RNF207: variants seen among roughly 807,000 people sequenced by gnomAD.
RNF207 encodes OTTHUMG00000001089.
RNF207 carries 72 observed loss-of-function variants against 79.0 expected under a neutral mutation model. That is an observed-to-expected ratio of 0.91 (90% CI 0.75 to 1.11). The LOEUF (loss-of-function observed/expected upper bound fraction) is 1.11, where lower values mean the gene tolerates loss of function less well. Ranked by LOEUF, RNF207 falls within the 50% of genes least tolerant of loss-of-function variation. The pLI is 0.00. For synonymous variants in RNF207, 348 were observed against 366.2 expected (o/e 0.95, Z 0.57); for missense variants, 936 against 855.8 (o/e 1.09, Z -1.17).
At position 6,220,877 on chromosome 1, in the gene RNF207, C is replaced by T. The variant is rs1668525159; in HGVS notation, c.*1470C>T. On this transcript the variant is annotated 3_prime_UTR_variant, in exon 18 of 18. Coordinates refer to ENST00000377939, the MANE Select transcript of RNF207 (RefSeq NM_207396.3). Reference sequence around the variant, plus strand: ...TAGTCACATTTAAGCAAATATTCAGCTTGATTCAGTGATTAACAGCAAATG... The same window carrying T: ...TAGTCACATTTAAGCAAATATTCAGTTTGATTCAGTGATTAACAGCAAATG... 1 of 152,204 alleles carries T rather than the reference C, an allele frequency of 6.6e-6. No individual in the cohort carries two copies. Among genetic ancestry groups the T allele is most frequent in the African/African-American group, 2.4e-5 (1 of 41,442 alleles). 9.4% of individuals were successfully genotyped at this position (152,204 alleles called of 1,614,324 possible).
In RNF207 at chr1:6,212,373, C is replaced by T. The variant is rs747470758; in HGVS notation, c.1439C>T (p.Ser480Leu). ...KSLQLDVQIASEHASLEGMRV... is the reference protein window; with the variant it reads ...KSLQLDVQIALEHASLEGMRV... The stretch of plus-strand genomic sequence containing the variant: ...CTGCAACTGGACGTGCAGATCGCCT[C>T]GGAGCACGCCTCCTTAGAGGGCATG... Residue 480 changes from serine to leucine, a missense_variant, in exon 14 of 18, where the codon TCG becomes TTG. Physicochemically the swap from Ser to Leu is moderately radical, Grantham distance 145. Transcript: ENST00000377939. 1.5e-5 allele frequency: 25 copies of T among 1,613,472 alleles called. No individual in the cohort carries two copies. The Admixed American group carries it at 2.5e-4, about 16-fold the overall frequency.
chr1:6,207,324 G>A lies in RNF207; in HGVS notation c.192-55G>A, dbSNP rs1050686988. 5 of 1,493,644 alleles carry A rather than the reference G, an allele frequency of 3.3e-6. No individual in the cohort carries two copies. The highest frequency in any genetic ancestry group is 2.8e-5 in the South Asian group (2 of 72,436). The allele number at this position is 1,493,644 out of a possible 1,614,324, so 92.5% of individuals were successfully genotyped here. Reference sequence around the variant, plus strand: ...CCAGCCTGGAATGTGAGGGGTGGGGGTGGGGAGCCCTGGGGAAGGGGTATC... The same window carrying A: ...CCAGCCTGGAATGTGAGGGGTGGGGATGGGGAGCCCTGGGGAAGGGGTATC... On this transcript the variant is annotated intron_variant, in intron 2 of 17. Transcript: ENST00000377939. This position sits in a 1 kb window ranked among gnomAD's most constrained non-coding sequence, Gnocchi z 4.5.
chr1:6,217,971 A>T lies in RNF207; in HGVS notation c.1653-318A>T, dbSNP rs1668416465. ...TCGGGCCCCAGCTTGGATGAGTGTC[A>T]GCAGAGGCCCTCCCCACTCCACCTG... On this transcript the variant is annotated intron_variant, in intron 16 of 17. Transcript: ENST00000377939. The surrounding 1 kb of genome is among the most constrained non-coding windows in gnomAD (Gnocchi z 4.2). Among the ~76,000 whole-genome samples, 1 of 152,180 alleles carries T rather than the reference A, an allele frequency of 6.6e-6. No homozygotes were observed. Among genetic ancestry groups the T allele is most frequent in the African/African-American group, 2.4e-5 (1 of 41,440 alleles).
At chr1:6,213,259 G>A (rs1668246558) in intron 16 of RNF207, 76 bp downstream of exon 16, 13 of 943,738 alleles carry the variant, frequency 1.4e-5, no homozygotes, top group Middle Eastern at 2.2e-4. Flanking sequence ...GGTGGCTCAC[G>A]CCTGTAATCC....
At position 6,211,855 on chromosome 1, in the gene RNF207, C is replaced by G; in HGVS notation, c.1110-12C>G. ...CCCCACCCCCCTGCATCCACACTGG[C>G]TCTCTCCCCAGGCTGGCAGGGGGCT... On this transcript the variant is annotated splice_polypyrimidine_tract_variant and intron_variant, in intron 12 of 17. Transcript: ENST00000377939. This position sits in a 1 kb window ranked among gnomAD's most constrained non-coding sequence, Gnocchi z 4.2. The G allele has an allele frequency of 6.5e-7, 1 of 1,545,156 alleles. No individual in the cohort carries two copies. The highest frequency in any genetic ancestry group is 2.0e-5 in the Admixed American group (1 of 50,862).
chr1:6,218,745 G>A (rs1326719638), intron 17 of RNF207, among the ~76,000 whole-genome samples: 2 of 152,226 alleles, frequency 1.3e-5, no homozygotes, highest in Admixed American at 6.5e-5. Context: ...ACCTGCCAGA[G>A]GAAGACGGCT....
intron 17 of RNF207, 47 bp from the exon 18 acceptor site, chr1:6,219,189 G>A (rs747845557): frequency 6.5e-7 from 1 of 1,537,842 alleles, no homozygotes; most frequent in South Asian, 1.2e-5. Flanking sequence ...GCAGGGATAT[G>A]GTGAAATGGG....
intron 3 of RNF207, 97 bp from the exon 4 acceptor site, chr1:6,208,784 G>A (rs987896811): frequency 1.5e-6 from 2 of 1,322,216 alleles, no homozygotes; most frequent in African/African-American, 3.0e-5. Context: ...ACCCGGCCAC[G>A]GCTGGGACAA....
chr1:6,207,452 T>A lies in RNF207; in HGVS notation c.265T>A (p.Ser89Thr). The A allele has an allele frequency of 6.3e-7, 1 of 1,580,678 alleles. No homozygotes were observed. Among genetic ancestry groups the A allele is most frequent in the Non-Finnish European group, 8.6e-7 (1 of 1,161,942 alleles). ...DRLLQFLVDS[S>T]GDGVEAVRCA... is the part of the protein sequence containing the mutation. ...GCTGCTGCAGTTCCTGGTGGACAGC[T>A]CAGGGGATGGCGTGGAGGCGGTGCG... Residue 89 changes from serine (S) to threonine (T), a missense_variant, in exon 3 of 18, where the codon TCA (serine) becomes ACA (threonine). Physicochemically the swap from Ser to Thr is moderately conservative, Grantham distance 58 (BLOSUM62 1). Coordinates refer to ENST00000377939, the MANE Select transcript of RNF207 (RefSeq NM_207396.3). This position sits in a 1 kb window ranked among gnomAD's most constrained non-coding sequence, Gnocchi z 4.5.
intron 16 of RNF207, among the ~76,000 whole-genome samples, chr1:6,216,758 C>T (rs1248855447): frequency 3.4e-5 from 5 of 146,216 alleles, no homozygotes; most frequent in East Asian, 2.1e-4. Flanking sequence ...TTAGTAGAGA[C>T]GGGGTTTCAC....
In RNF207 at chr1:6,213,196, G is replaced by C. The variant is rs747892370; in HGVS notation, c.1652+13G>C. The C allele has an allele frequency of 3.2e-6, 5 of 1,565,202 alleles. No individual in the cohort carries two copies. The highest frequency in any genetic ancestry group is 4.4e-6 in the Non-Finnish European group (5 of 1,137,584). On this transcript the variant is annotated intron_variant, in intron 16 of 17. Transcript: ENST00000377939. Reference sequence around the variant, plus strand: ...GGCTGGAGCCCAGGTGAGGCCAAGGGGGTGTTCCCAGGGCCACTGAGACTC... The same window carrying C: ...GGCTGGAGCCCAGGTGAGGCCAAGGCGGTGTTCCCAGGGCCACTGAGACTC...
At chr1:6,209,824 C>T in intron 7 of RNF207, 100 bp from the exon 8 acceptor site, 1 of 1,276,758 alleles carries the variant, frequency 7.8e-7, no homozygotes. Flanking sequence ...TGGAGAGATA[C>T]CTAGTGTAAC....
In RNF207 at chr1:6,219,490, T is replaced by G. The variant is rs1191833774; in HGVS notation, c.*83T>G. On this transcript the variant is annotated 3_prime_UTR_variant, in exon 18 of 18. Coordinates refer to ENST00000377939, the MANE Select transcript of RNF207 (RefSeq NM_207396.3). ...GGACAGAAGGTTGTTCCCATGATGG[T>G]TTTTTTTATTTTTTATTTTTGAGAT... 1 of 1,001,450 alleles carries G rather than the reference T, an allele frequency of 1.0e-6. No individual in the cohort carries two copies. Among genetic ancestry groups the G allele is most frequent in the Non-Finnish European group, 1.4e-6 (1 of 703,522 alleles). The allele number at this position is 1,001,450 out of a possible 1,614,324, so 62.0% of individuals were successfully genotyped here.
At position 6,210,420 on chromosome 1, in the gene RNF207, GT is replaced by G; in HGVS notation, c.926del (p.Phe309SerfsTer8). 1 of 1,613,448 alleles carries G rather than the reference GT, an allele frequency of 6.2e-7. No homozygotes were observed. Among genetic ancestry groups the G allele is most frequent in the Non-Finnish European group, 8.5e-7 (1 of 1,179,854 alleles). Reference protein sequence around the residue: ...SFLSLANKAEFLDLGYELMER... With the variant: ...SFLSLANKAEXLDLGYELMER... ...TCCTCAGCTTGGCCAACAAGGCTGA[GT>G]TCCTGGACCTGGGCTATGTGAGTCT... On this transcript the variant is annotated frameshift_variant, in exon 10 of 18. Coordinates refer to ENST00000377939, the MANE Select transcript of RNF207 (RefSeq NM_207396.3). LOFTEE classifies it high-confidence loss of function.
In RNF207 at chr1:6,213,171, G is replaced by A. The variant is rs372508886; in HGVS notation, c.1640G>A (p.Arg547Gln). The change falls in exon 16 of 18, where the codon CGG (arginine) becomes CAG (glutamine). Residue 547 changes from arginine (R) to glutamine (Q), a missense_variant. Transcript: ENST00000377939. Reference protein sequence around the residue: ...YVRSIAKVKERLEPRFQAPVD... With the variant: ...YVRSIAKVKEQLEPRFQAPVD... ...CGCTCCATTGCCAAGGTGAAGGAGC[G>A]GCTGGAGCCCAGGTGAGGCCAAGGG... The A allele has an allele frequency of 1.2e-5, 19 of 1,611,314 alleles. No individual in the cohort carries two copies. The highest frequency in any genetic ancestry group is 1.1e-4 in the East Asian group (5 of 44,808).
chr1:6,212,612 T>A, intron 14 of RNF207, 70 bp from the exon 15 acceptor site: 1 of 1,402,728 alleles, frequency 7.1e-7, no homozygotes, highest in Non-Finnish European at 1.0e-6. Context: ...TCTGAGTAGC[T>A]AGAGATAGCA....
chr1:6,206,442 A>C, intron 1 of RNF207, 94 bp from the exon 2 acceptor site: 1 of 898,924 alleles, frequency 1.1e-6, no homozygotes, highest in Non-Finnish European at 1.6e-6. Flanking sequence ...TCCAGGCGCG[A>C]TAGGGAGGGC....
rs1308921636 is a variant in RNF207, at chr1:6,210,878, G to C, written c.951G>C (p.Met317Ile). 6.2e-7 allele frequency: 1 copy of C among 1,601,144 alleles called. No homozygotes were observed. Among genetic ancestry groups the C allele is most frequent in the Non-Finnish European group, 8.5e-7 (1 of 1,175,092 alleles). ...AEFLDLGYELMERLQGIVTRP... is the reference protein window; with the variant it reads ...AEFLDLGYELIERLQGIVTRP... ...CCTCCTCACTGCCACAGGAGCTGAT[G>C]GAGAGGCTGCAGGGCATCGTCACGC... The change falls in exon 11 of 18, where the codon ATG becomes ATC. Residue 317 changes from methionine to isoleucine, a missense_variant. Physicochemically the swap from Met to Ile is conservative, Grantham distance 10. Coordinates refer to ENST00000377939, the MANE Select transcript of RNF207 (RefSeq NM_207396.3).
chr1:6,216,908 T>C (rs1210986498), intron 16 of RNF207, among the ~76,000 whole-genome samples: 1 of 151,100 alleles, frequency 6.6e-6, no homozygotes. Flanking sequence ...CTTTCCCTGT[T>C]GTCCAGGCTG....
Sources: allele counts gnomAD v4.1 joint callset (sites outside exome capture counted in the v4.1 genomes callset), GRCh38; gene constraint gnomAD v4.1.1; non-coding constraint Gnocchi (gnomAD v3.1); transcripts MANE v1.5; gene names NCBI Gene and HGNC (gene_info 2026-07-23, HGNC 2026-07-21).